The following MED12L variants were observed in gnomAD, a reference collection of about 807,000 sequenced individuals.
MED12L encodes the protein mediator of RNA polymerase II transcription subunit 12-like protein.
A neutral mutation model predicts 281.3 loss-of-function variants in MED12L; 60 were observed. The ratio of observed to expected loss-of-function variants is 0.21; its 90% CI spans 0.17 to 0.26. MED12L has a LOEUF of 0.26. Among genes scored for constraint, MED12L ranks in the 10% least tolerant of loss-of-function variants. MED12L has a pLI of 1.00. For synonymous variants in MED12L, 974 were observed against 987.2 expected, an observed-to-expected ratio of 0.99 and a Z score of 0.25; for missense variants, 2,146 against 2,680.9, an observed-to-expected ratio of 0.80 and a Z score of 4.41.
chr3:151,375,890 C>A, intron 27 of MED12L, 136 bp from the exon 28 acceptor site: 1 of 501,748 alleles, frequency 2.0e-6, no homozygotes, highest in Non-Finnish European at 3.1e-6. Context: ...TTTCTACCTA[C>A]TTTTTAATGT....
Position 151,218,004 on chromosome 3 carries a change from A to G in MED12L, c.2250+24338A>G, listed in dbSNP as rs140576793. On this transcript the variant is annotated intron_variant, in intron 16 of 44. Transcript: ENST00000687756. Reference sequence around the variant, plus strand: ...TGAAAATCAGGACAAAATCATTAAAAAAGACATGCATCATTTGGACCTCGT... The same window carrying G: ...TGAAAATCAGGACAAAATCATTAAAGAAGACATGCATCATTTGGACCTCGT... 2.7e-3 allele frequency among the ~76,000 whole-genome samples: 413 copies of G among 152,330 alleles called. 6 individuals are homozygous for G. The East Asian group carries it at 0.032, about 12-fold the overall frequency.
chr3:151,387,925 T>C lies in MED12L; in HGVS notation c.5204T>C (p.Val1735Ala). 1 of 1,613,518 alleles carries C rather than the reference T, an allele frequency of 6.2e-7. No homozygotes were observed. The highest frequency in any genetic ancestry group is 1.1e-5 in the South Asian group (1 of 91,034). Residue 1735 changes from valine (V) to alanine (A), a missense_variant, in exon 37 of 45, where the codon GTG becomes GCG. By Grantham distance (64) the Val-to-Ala change is moderately conservative. Around this residue, in one of 9 missense-constraint regions of MED12L, gnomAD observed 496 missense variants for 512.0 expected, o/e 0.97. Coordinates refer to ENST00000687756, the MANE Select transcript of MED12L (RefSeq NM_001393769.1). ...GGGACAGTCCGAGTGGACCGAAGAG[T>C]GATCAAGTACGAGGAGCAGCATCAC... Reference protein sequence around the residue: ...WFGTVRVDRRVIKYEEQHHLL... With the variant: ...WFGTVRVDRRAIKYEEQHHLL...
At chr3:151,255,475 C>T (rs769127350) in intron 16 of MED12L, among the ~76,000 whole-genome samples, 2 of 151,954 alleles carry the variant, frequency 1.3e-5, no homozygotes, top group East Asian at 3.9e-4. Context: ...TGCGGGCAGG[C>T]GGTTTGGGTA....
At chr3:151,299,402 C>CT (rs1559999735) in intron 16 of MED12L, among the ~76,000 whole-genome samples, 1 of 7,266 alleles carries the variant, frequency 1.4e-4, no homozygotes. Context: ...TTTCTTTTCC[C>CT]CTCCCCTCCC....
At chr3:151,234,576 A>T (rs1422146596) in intron 16 of MED12L, among the ~76,000 whole-genome samples, 1 of 152,218 alleles carries the variant, frequency 6.6e-6, no homozygotes, top group African/African-American at 2.4e-5. Flanking sequence ...TTTCTGATGA[A>T]TGACCAAAAA....
chr3:151,426,695 C>T (rs10935848), intron 43 of MED12L, among the ~76,000 whole-genome samples: 126,680 of 152,140 alleles, frequency 0.83, 52,936 homozygotes, highest in Middle Eastern at 0.97. Flanking sequence ...ATCAAATATT[C>T]GTTAATACTA....
Position 151,411,384 on chromosome 3 carries a change from C to T in MED12L, c.6017C>T (p.Ala2006Val), listed in dbSNP as rs762599420. Reference sequence around the variant, plus strand: ...CTGTCTCCCAGCTATAACTCCAGAGCCTATCCGGCCGCACATTCCAACCCC... The same window carrying T: ...CTGTCTCCCAGCTATAACTCCAGAGTCTATCCGGCCGCACATTCCAACCCC... ...VVLSPSYNSR[A>V]YPAAHSNPVL... is the part of the protein sequence containing the mutation. The change falls in exon 41 of 45, where the codon GCC (alanine) becomes GTC (valine). Residue 2006 changes from alanine (A) to valine (V), a missense_variant. This residue lies in a region of MED12L where 496 missense variants were observed against 512.0 expected (regional missense o/e 0.97). Transcript: ENST00000687756. 2.2e-5 allele frequency: 35 copies of T among 1,614,054 alleles called. 1 individual carries two copies. The South Asian group carries it at 3.8e-4, about 18-fold the overall frequency.
intron 11 of MED12L, among the ~76,000 whole-genome samples, chr3:151,178,484 G>A (rs1420406249): frequency 6.6e-6 from 1 of 152,160 alleles, no homozygotes; most frequent in Non-Finnish European, 1.5e-5. Context: ...GAGGTGCTGG[G>A]GGCTCACACA....
At chr3:151,429,549 A>G (rs1467774270) in intron 43 of MED12L, among the ~76,000 whole-genome samples, 2 of 152,274 alleles carry the variant, frequency 1.3e-5, no homozygotes, top group Non-Finnish European at 2.9e-5. Context: ...TGGCACTACC[A>G]GTGATTCTAA....
chr3:151,413,335 A>G (rs775942960), intron 42 of MED12L, 40 bp downstream of exon 42: 9 of 1,590,250 alleles, frequency 5.7e-6, no homozygotes, highest in Non-Finnish European at 7.7e-6. Flanking sequence ...ATCACCCTTC[A>G]GACAGTGCAA....
chr3:151,280,478 C>A (rs887207760), intron 16 of MED12L, among the ~76,000 whole-genome samples: 1 of 152,184 alleles, frequency 6.6e-6, no homozygotes, highest in Non-Finnish European at 1.5e-5. Flanking sequence ...TGGAGCTGGG[C>A]AGATCCTGGA....
At chr3:151,090,158 C>T (rs1457333386) in intron 2 of MED12L, among the ~76,000 whole-genome samples, 11 of 152,060 alleles carry the variant, frequency 7.2e-5, no homozygotes, top group African/African-American at 2.4e-4. Context: ...TGCCAGTCTG[C>T]TTGGGTTGGG....
At chr3:151,427,470 T>A (rs1719002803) in intron 43 of MED12L, among the ~76,000 whole-genome samples, 1 of 152,212 alleles carries the variant, frequency 6.6e-6, no homozygotes, top group African/African-American at 2.4e-5. Context: ...GCTTAGGCTC[T>A]GCAAAATATA....
intron 5 of MED12L, among the ~76,000 whole-genome samples, chr3:151,141,187 G>GTTTTTTTGTTTTTTTTTTTTTTTTTTTT (rs376743895): frequency 1.0e-5 from 1 of 99,106 alleles, no homozygotes. Context: ...TGTTTTTTTT[G>GTTTTTTTGTTTTTTTTTTTTTTTTTTTT]TTTTTTTTTT....
intron 5 of MED12L, among the ~76,000 whole-genome samples, chr3:151,148,484 C>T (rs961492842): frequency 6.6e-6 from 1 of 152,190 alleles, no homozygotes; most frequent in African/African-American, 2.4e-5. Flanking sequence ...GCACCAACGT[C>T]AGGCTGGTTA....
chr3:151,156,152 A>G lies in MED12L; in HGVS notation c.557-9A>G, dbSNP rs977433167. The G allele has an allele frequency of 8.9e-6, 14 of 1,576,684 alleles. No homozygotes were observed. The highest frequency in any genetic ancestry group is 1.4e-5 in the African/African-American group (1 of 72,664). ...TAGAAACTCATATTTTTCTTTTTTT[A>G]AAATGCAGAGTGGACACAGATATCT... On this transcript the variant is annotated splice_polypyrimidine_tract_variant and intron_variant, in intron 5 of 44. Coordinates refer to ENST00000687756, the MANE Select transcript of MED12L (RefSeq NM_001393769.1).
rs568443779 is a variant in MED12L at position 151,240,964 on chromosome 3, CAG to C, written c.2250+47299_2250+47300del. Among the ~76,000 whole-genome samples the C allele has an allele frequency of 3.3e-3, 500 of 152,260 alleles. 2 individuals carry two copies. The highest frequency in any genetic ancestry group is 0.011 in the African/African-American group (453 of 41,552). On this transcript the variant is annotated intron_variant, in intron 16 of 44. Transcript: ENST00000687756. ...GAACCCTATTTGCTAATTGGTGAAA[CAG>C]GGGCAAGAATAGAAGGCCTTTTCCA...
intron 5 of MED12L, among the ~76,000 whole-genome samples, chr3:151,146,506 A>G (rs1269837422): frequency 2.0e-5 from 3 of 152,150 alleles, no homozygotes; most frequent in African/African-American, 7.2e-5. Flanking sequence ...GGGTCGTGGT[A>G]GGCATTTAGT....
rs1716698197 is a variant in MED12L, at chr3:151,409,302, C to T, written c.5880C>T (p.Leu1960=). Residue 1960 remains leucine, a synonymous_variant, in exon 40 of 45, where the codon CTC becomes CTT. Coordinates refer to ENST00000687756, the MANE Select transcript of MED12L (RefSeq NM_001393769.1). ...FAAQARPSPQ[L]PQYPGLQQAQ... Reference sequence around the variant, plus strand: ...CGCAAGCACGGCCCTCCCCTCAGCTCCCTCAGTATCCAGGGCTGCAGCAAG... The same window carrying T: ...CGCAAGCACGGCCCTCCCCTCAGCTTCCTCAGTATCCAGGGCTGCAGCAAG... The T allele has an allele frequency of 6.2e-7, 1 of 1,613,796 alleles. No individual in the cohort carries two copies. The highest frequency in any genetic ancestry group is 1.7e-5 in the Admixed American group (1 of 59,982).
Sources: allele counts gnomAD v4.1 joint callset (sites outside exome capture counted in the v4.1 genomes callset), GRCh38; gene constraint gnomAD v4.1.1; regional missense constraint gnomAD v4.1.1; transcripts MANE v1.5; gene names NCBI Gene and HGNC (gene_info 2026-07-23, HGNC 2026-07-21).